SOX6: variants seen among roughly 807,000 people sequenced by gnomAD.
SOX6 encodes SRY-box transcription factor 6, also known as transcription factor SOX-6.
Under a neutral mutation model 97.8 loss-of-function variants are expected in SOX6, and 11 were observed. The ratio of observed to expected loss-of-function variants is 0.11; its 90% CI spans 0.07 to 0.19. The LOEUF (loss-of-function observed/expected upper bound fraction) is 0.19, where lower values mean the gene tolerates loss of function less well. Ranked by LOEUF, SOX6 falls within the 10% of genes least tolerant of loss-of-function variation. The probability of loss-of-function intolerance (pLI) is 1.00; values close to 1 mark genes in which losing one functional copy is unlikely to be tolerated. For synonymous variants in SOX6, 360 were observed against 371.4 expected, an observed-to-expected ratio of 0.97 and a Z score of 0.35; for missense variants, 810 against 1,039.5, an observed-to-expected ratio of 0.78 and a Z score of 3.04.
At chr11:15,980,242 G>A (rs1489172903) in intron 15 of SOX6, among the ~76,000 whole-genome samples, 2 of 151,936 alleles carry the variant, frequency 1.3e-5, no homozygotes, top group Non-Finnish European at 1.5e-5. Flanking sequence ...GGAAGATTAT[G>A]GCTTAGTTAA....
At chr11:16,342,116 A>G (rs1856656471) in intron 1 of SOX6, among the ~76,000 whole-genome samples, 1 of 152,014 alleles carries the variant, frequency 6.6e-6, no homozygotes, top group South Asian at 2.1e-4. Context: ...TATGCCCACA[A>G]ATAAACATTG....
At chr11:16,071,523 A>G (rs531256114) in intron 9 of SOX6, among the ~76,000 whole-genome samples, 1 of 150,798 alleles carries the variant, frequency 6.6e-6, no homozygotes, top group African/African-American at 2.4e-5. Context: ...GCAAGGGGAC[A>G]CAGCCTCCTG....
intron 6 of SOX6, among the ~76,000 whole-genome samples, chr11:16,163,803 T>C (rs1850816644): frequency 1.3e-5 from 2 of 152,238 alleles, no homozygotes; most frequent in Non-Finnish European, 1.5e-5. Flanking sequence ...CTGTGGTTCC[T>C]GTGAACTGCA....
At chr11:16,341,702 T>C (rs1049373714) in intron 1 of SOX6, among the ~76,000 whole-genome samples, 2 of 152,050 alleles carry the variant, frequency 1.3e-5, no homozygotes, top group African/African-American at 4.8e-5. Flanking sequence ...ATGGTTTATG[T>C]AGGAGCAAAA....
At chr11:16,176,293 TAAA>T (rs1250698057) in intron 6 of SOX6, among the ~76,000 whole-genome samples, 1 of 151,910 alleles carries the variant, frequency 6.6e-6, no homozygotes, top group Non-Finnish European at 1.5e-5. Context: ...ACCAATTAAA[TAAA>T]AATCTTTGGG....
chr11:16,299,411 T>A (rs1855188575), intron 3 of SOX6, among the ~76,000 whole-genome samples: 1 of 152,114 alleles, frequency 6.6e-6, no homozygotes, highest in Non-Finnish European at 1.5e-5. Context: ...TGACTCCTTA[T>A]ATGAGCCCAG....
intron 4 of SOX6, among the ~76,000 whole-genome samples, chr11:16,581,416 C>A (rs1179044539): frequency 6.6e-6 from 1 of 151,980 alleles, no homozygotes; most frequent in Non-Finnish European, 1.5e-5. Context: ...CACATGGACA[C>A]AGGGAGAGGA....
chr11:16,259,828 A>G (rs566490717), intron 3 of SOX6, among the ~76,000 whole-genome samples: 22 of 152,102 alleles, frequency 1.4e-4, no homozygotes, highest in African/African-American at 5.3e-4. Flanking sequence ...CTTGCTATGG[A>G]TGGTGGTTAC....
intron 2 of SOX6, among the ~76,000 whole-genome samples, chr11:16,728,834 A>T (rs534132181): frequency 6.6e-6 from 1 of 152,306 alleles, no homozygotes; most frequent in East Asian, 1.9e-4. Flanking sequence ...AAGAACCCTG[A>T]AAAAAGGTTA....
rs889059666 is a variant in SOX6 at position 16,289,751 on chromosome 11, T to C, written c.445+28695A>G. Among the ~76,000 whole-genome samples, 5 of 151,884 alleles carry C rather than the reference T, an allele frequency of 3.3e-5. No individual in the cohort carries two copies. In the South Asian group the frequency reaches 8.3e-4, roughly 25 times the overall value. ...AACCAGTCCAGGATTTAAATCTCTG[T>C]AAGGAATAAAAGCAGAAGTTGATTG... On this transcript the variant is annotated intron_variant, in intron 3 of 15. Transcript: ENST00000683767.
intron 3 of SOX6, among the ~76,000 whole-genome samples, chr11:16,643,215 G>T (rs1042348603): frequency 6.6e-6 from 1 of 152,218 alleles, no homozygotes; most frequent in African/African-American, 2.4e-5. Flanking sequence ...AGCAGCGGAG[G>T]CTGCAGAACA....
chr11:16,614,559 CT>C (rs1189958732), intron 3 of SOX6, among the ~76,000 whole-genome samples: 3 of 152,164 alleles, frequency 2.0e-5, no homozygotes, highest in Non-Finnish European at 4.4e-5. Context: ...ATTCCTACCC[CT>C]ATGGAAGCCT....
chr11:16,357,519 A>T (rs991336843), upstream of SOX6, among the ~76,000 whole-genome samples: 2 of 152,174 alleles, frequency 1.3e-5, no homozygotes, highest in African/African-American at 4.8e-5. Context: ...ATGTCTTTTC[A>T]GCCAACACAG....
At chr11:16,386,444 G>A (rs1857989697) in intron 1 of SOX6, among the ~76,000 whole-genome samples, 1 of 151,930 alleles carries the variant, frequency 6.6e-6, no homozygotes, top group Non-Finnish European at 1.5e-5. Context: ...TAACCTACAA[G>A]ATACAGATTC....
chr11:16,135,852 G>T (rs1356624400), intron 6 of SOX6, among the ~76,000 whole-genome samples: 1 of 152,186 alleles, frequency 6.6e-6, no homozygotes, highest in African/African-American at 2.4e-5. Context: ...ATTACATGCT[G>T]CAGAGAAATC....
chr11:16,153,124 C>T (rs924508685), intron 6 of SOX6, among the ~76,000 whole-genome samples: 1 of 151,742 alleles, frequency 6.6e-6, no homozygotes, highest in African/African-American at 2.4e-5. Flanking sequence ...CTCAGCCTCC[C>T]AAAGTGCTGG....
chr11:16,070,727 G>A (rs148060471), intron 9 of SOX6, among the ~76,000 whole-genome samples: 137 of 152,022 alleles, frequency 9.0e-4, no homozygotes, highest in African/African-American at 2.7e-3. Flanking sequence ...TGGGCTCAAC[G>A]CAGAGCCAGG....
At chr11:16,412,990 A>G (rs149122643) in intron 1 of SOX6, among the ~76,000 whole-genome samples, 64 of 152,352 alleles carry the variant, frequency 4.2e-4, no homozygotes, top group African/African-American at 1.3e-3. Flanking sequence ...CACAGGTACC[A>G]AAAGTGAAAG....
intron 1 of SOX6, among the ~76,000 whole-genome samples, chr11:16,387,954 T>C (rs1858041810): frequency 6.6e-6 from 1 of 152,144 alleles, no homozygotes; most frequent in Non-Finnish European, 1.5e-5. Context: ...TGCCTCATTC[T>C]AATGGTTGGA....
Sources: gnomAD v4.1 joint callset for allele counts (sites outside exome capture counted in the v4.1 genomes callset) on GRCh38, gnomAD v4.1.1 for gene constraint, MANE v1.5 for transcripts, NCBI Gene and HGNC (gene_info 2026-07-23, HGNC 2026-07-21) for gene names.